Variants in KIRREL3 observed in about 807,000 individuals in gnomAD.
KIRREL3 encodes kirre like nephrin family adhesion molecule 3, also known as kin of IRRE-like protein 3.
KIRREL3 carries 36 observed loss-of-function variants against 89.7 expected under a neutral mutation model. That is an observed-to-expected ratio of 0.40 (90% CI 0.31 to 0.53). The LOEUF (loss-of-function observed/expected upper bound fraction) is 0.53, where lower values mean the gene tolerates loss of function less well. KIRREL3 is among the 20% of genes least tolerant of loss of function. The pLI, the probability that KIRREL3 is intolerant of heterozygous loss-of-function variation, is 0.49. For synonymous variants in KIRREL3, 445 were observed against 441.4 expected (o/e 1.01, Z -0.10); for missense variants, 864 against 1,056.6 (o/e 0.82, Z 2.53).
chr11:126,939,167 G>A (rs578187514), intron 1 of KIRREL3, among the ~76,000 whole-genome samples: 1 of 152,278 alleles, frequency 6.6e-6, no homozygotes, highest in Admixed American at 6.5e-5. Flanking sequence ...AGAGGAGGGT[G>A]GTAAAAACCA....
chr11:126,990,023 C>T lies in KIRREL3; in HGVS notation c.55+10432G>A, dbSNP rs1949980366. On this transcript the variant is annotated intron_variant, in intron 1 of 16. Transcript: ENST00000525144. This position sits in a 1 kb window ranked among gnomAD's most constrained non-coding sequence, Gnocchi z 6.3. The stretch of plus-strand genomic sequence containing the variant: ...GGGAATGACAACAGAAATATTGGCT[C>T]CCTGACCCTGGAAGGGTGGAATCAC... Among the ~76,000 whole-genome samples, 1 of 152,162 alleles carries T rather than the reference C, an allele frequency of 6.6e-6. No individual in the cohort carries two copies. The highest frequency in any genetic ancestry group is 2.1e-4 in the South Asian group (1 of 4,828).
chr11:126,646,017 G>A (rs891908811), intron 1 of KIRREL3, among the ~76,000 whole-genome samples: 1 of 152,152 alleles, frequency 6.6e-6, no homozygotes, highest in Non-Finnish European at 1.5e-5. Context: ...GATTCTTCAT[G>A]AGTTACCACC....
rs1175479877 is a variant in KIRREL3, at chr11:126,562,091, C to G, written c.133+744G>C. Among the ~76,000 whole-genome samples the G allele has an allele frequency of 6.6e-6, 1 of 152,196 alleles. No individual in the cohort carries two copies. Among genetic ancestry groups the G allele is most frequent in the Non-Finnish European group, 1.5e-5 (1 of 68,042 alleles). Reference sequence around the variant, plus strand: ...AATGGCATCCCCAGCCATTGTTTATCTACTTTTGAATCCTGACAAATAGTC... The same window carrying G: ...AATGGCATCCCCAGCCATTGTTTATGTACTTTTGAATCCTGACAAATAGTC... On this transcript the variant is annotated intron_variant, in intron 2 of 16. Transcript: ENST00000525144. The surrounding 1 kb of genome is among the most constrained non-coding windows in gnomAD (Gnocchi z 4.7).
chr11:126,926,144 A>G (rs1947704941), intron 1 of KIRREL3, among the ~76,000 whole-genome samples: 1 of 152,172 alleles, frequency 6.6e-6, no homozygotes, highest in East Asian at 1.9e-4. Flanking sequence ...GGTAAGAAGA[A>G]CGCTGGAGGT....
At chr11:126,799,499 C>A (rs1266398967) in intron 1 of KIRREL3, among the ~76,000 whole-genome samples, 1 of 192 alleles carries the variant, frequency 5.2e-3, no homozygotes, top group African/African-American at 0.019. Flanking sequence ...TGTCAGCTAT[C>A]CCCCAAATTT....
intron 1 of KIRREL3, among the ~76,000 whole-genome samples, chr11:126,634,092 T>C (rs905415740): frequency 4.6e-5 from 7 of 152,144 alleles, no homozygotes; most frequent in African/African-American, 1.7e-4. Context: ...AAAGCTCCAG[T>C]TGGAAGGGAA....
Position 126,445,101 on chromosome 11 carries a change from A to G in KIRREL3, c.1130T>C (p.Leu377Pro). 6.2e-7 allele frequency: 1 copy of G among 1,613,924 alleles called. No homozygotes were observed. The highest frequency in any genetic ancestry group is 8.5e-7 in the Non-Finnish European group (1 of 1,179,846). Residue 377 changes from leucine to proline, a missense_variant, in exon 10 of 17, where the codon CTG becomes CCG. By Grantham distance (98) the Leu-to-Pro change is moderately conservative (BLOSUM62 -3). Coordinates refer to ENST00000525144, the MANE Select transcript of KIRREL3 (RefSeq NM_032531.4). ...VWMKRGSGVV[L>P]SNEKTLTLKS... ...GAGGGTCAGGGTCTTCTCATTGCTC[A>G]GGACCTAGGAGAATTGGCAGGCTCA...
chr11:126,552,557 T>G (rs1052674369), intron 2 of KIRREL3, among the ~76,000 whole-genome samples: 2 of 74,582 alleles, frequency 2.7e-5, no homozygotes, highest in Non-Finnish European at 5.5e-5. Flanking sequence ...AAAGTTTTTT[T>G]TTTTTTTTTT....
chr11:126,789,400 T>C (rs561904369), intron 1 of KIRREL3, among the ~76,000 whole-genome samples: 1 of 152,270 alleles, frequency 6.6e-6, no homozygotes, highest in African/African-American at 2.4e-5. Context: ...CCATATTCAA[T>C]TATCCTTCAC....
intron 1 of KIRREL3, among the ~76,000 whole-genome samples, chr11:126,582,404 C>T (rs148282028): frequency 6.0e-4 from 92 of 152,330 alleles, no homozygotes; most frequent in East Asian, 4.6e-3. Flanking sequence ...GGTATCAGAA[C>T]GCATTCCCCT....
chr11:126,884,825 A>G (rs1008186125), intron 1 of KIRREL3, among the ~76,000 whole-genome samples: 1 of 152,158 alleles, frequency 6.6e-6, no homozygotes, highest in Non-Finnish European at 1.5e-5. Flanking sequence ...ACCATCTTTC[A>G]GTACAGAGCT....
intron 1 of KIRREL3, among the ~76,000 whole-genome samples, chr11:126,925,820 C>G (rs974839585): frequency 1.3e-5 from 2 of 152,234 alleles, no homozygotes; most frequent in African/African-American, 4.8e-5. Context: ...TACCGGCCTT[C>G]TCCATCCTCT....
intron 1 of KIRREL3, among the ~76,000 whole-genome samples, chr11:126,659,957 G>A (rs1393376430): frequency 6.6e-6 from 1 of 152,188 alleles, no homozygotes. Flanking sequence ...TTGTATAAGA[G>A]CATCTGGCAA....
At position 126,425,730 on chromosome 11, in the gene KIRREL3, A is replaced by G. The variant is rs1954917967; in HGVS notation, c.1807-6T>C. On this transcript the variant is annotated splice_region_variant and splice_polypyrimidine_tract_variant and intron_variant, in intron 15 of 16. Coordinates refer to ENST00000525144, the MANE Select transcript of KIRREL3 (RefSeq NM_032531.4). ...TGGAATTCACCCCGGTCCATCTGCA[A>G]CCCAAAAAAGGCTGCTCAGTAGATA... 1 of 1,590,108 alleles carries G rather than the reference A, an allele frequency of 6.3e-7. No homozygotes were observed. Among genetic ancestry groups the G allele is most frequent in the Non-Finnish European group, 8.6e-7 (1 of 1,167,182 alleles).
intron 1 of KIRREL3, among the ~76,000 whole-genome samples, chr11:126,626,143 A>C (rs928338599): frequency 6.6e-6 from 1 of 152,212 alleles, no homozygotes; most frequent in Non-Finnish European, 1.5e-5. Context: ...ACATGTTTCT[A>C]TAGTCCTGGG....
At position 126,830,328 on chromosome 11, in the gene KIRREL3, C is replaced by T. The variant is rs1049900226; in HGVS notation, c.55+170127G>A. 2.6e-5 allele frequency among the ~76,000 whole-genome samples: 4 copies of T among 152,216 alleles called. No individual in the cohort carries two copies. Among genetic ancestry groups the T allele is most frequent in the Admixed American group, 6.5e-5 (1 of 15,282 alleles). ...TGGGTTCCCACTTGCCACTTTCCAT[C>T]CTCCTGCTTCATAAGTATGAACAGC... is the stretch of plus-strand genomic sequence containing the variant. On this transcript the variant is annotated intron_variant, in intron 1 of 16. Transcript: ENST00000525144. This position sits in a 1 kb window ranked among gnomAD's most constrained non-coding sequence, Gnocchi z 4.9.
At position 126,771,913 on chromosome 11, in the gene KIRREL3, A is replaced by G. The variant is rs1950031666; in HGVS notation, c.56-209001T>C. Among the ~76,000 whole-genome samples the G allele has an allele frequency of 6.6e-6, 1 of 152,234 alleles. No individual in the cohort carries two copies. The highest frequency in any genetic ancestry group is 1.5e-5 in the Non-Finnish European group (1 of 68,038). On this transcript the variant is annotated intron_variant, in intron 1 of 16. Coordinates refer to ENST00000525144, the MANE Select transcript of KIRREL3 (RefSeq NM_032531.4). This position sits in a 1 kb window ranked among gnomAD's most constrained non-coding sequence, Gnocchi z 4.4. ...GACAGGCTGAGCATGCAGCAATAGA[A>G]GACGACGTCCTCTTGCCTTGGCTAG...
intron 1 of KIRREL3, among the ~76,000 whole-genome samples, chr11:126,950,962 G>A (rs940420144): frequency 2.0e-5 from 3 of 152,204 alleles, no homozygotes; most frequent in Non-Finnish European, 4.4e-5. Flanking sequence ...TCAGAGGTAG[G>A]ACAAAGATCA....
intron 11 of KIRREL3, among the ~76,000 whole-genome samples, chr11:126,438,755 A>G (rs562268900): frequency 2.7e-4 from 41 of 152,374 alleles, no homozygotes; most frequent in Non-Finnish European, 3.8e-4. Flanking sequence ...AATCTTTCAG[A>G]CAGTGAATGA....
Sources: allele counts gnomAD v4.1 joint callset (sites outside exome capture counted in the v4.1 genomes callset), GRCh38; gene constraint gnomAD v4.1.1; non-coding constraint Gnocchi (gnomAD v3.1); transcripts MANE v1.5; gene names NCBI Gene and HGNC (gene_info 2026-07-23, HGNC 2026-07-21).